Variants in TTC38 observed in about 807,000 individuals in gnomAD.
The protein encoded by TTC38 is tetratricopeptide repeat protein 38.
A neutral mutation model predicts 64.2 loss-of-function variants in TTC38; 64 were observed. The ratio of observed to expected loss-of-function variants is 1.00; its 90% CI spans 0.81 to 1.23. The LOEUF is 1.23. TTC38 is among the 50% of genes most tolerant of loss of function. TTC38 has a pLI of 0.00. For synonymous variants in TTC38, 254 were observed against 249.3 expected (o/e 1.02, Z -0.18); for missense variants, 573 against 615.5 (o/e 0.93, Z 0.73).
intron 6 of TTC38, chr22:46,280,177 C>T (rs1346801821): frequency 4.2e-6 from 2 of 471,234 alleles, no homozygotes; most frequent in East Asian, 1.4e-4. Flanking sequence ...GTGTCTGCAG[C>T]CCCAGGCTGG....
At chr22:46,286,992 GGACAGGCT>G (rs1206599364) in intron 9 of TTC38, 73 bp from the exon 10 acceptor site, 2 of 1,162,326 alleles carry the variant, frequency 1.7e-6, no homozygotes, top group African/African-American at 3.0e-5. Flanking sequence ...CACCCCACCT[GGACAGGCT>G]GACCCTGGCT....
intron 7 of TTC38, 128 bp from the exon 8 acceptor site, chr22:46,283,839 CAGACTT>C: frequency 1.8e-6 from 1 of 546,478 alleles, no homozygotes; most frequent in South Asian, 2.0e-5. Context: ...GCAACAGAGC[CAGACTT>C]AGTCTCAAAA....
At position 46,292,048 on chromosome 22, in the gene TTC38, C is replaced by T. The variant is rs978187713; in HGVS notation, c.1317-743C>T. On this transcript the variant is annotated intron_variant, in intron 13 of 13. Coordinates refer to ENST00000381031, the MANE Select transcript of TTC38 (RefSeq NM_017931.4). This position sits in a 1 kb window ranked among gnomAD's most constrained non-coding sequence, Gnocchi z 6.5. The stretch of plus-strand genomic sequence containing the variant: ...TTCTGGAGGCTGGAATGTCCAGGAA[C>T]AAGGCCTGGCTGGGTTCAGTTTCTG... 3.9e-5 allele frequency among the ~76,000 whole-genome samples: 6 copies of T among 152,220 alleles called. No individual in the cohort carries two copies. Among genetic ancestry groups the T allele is most frequent in the Non-Finnish European group, 7.3e-5 (5 of 68,038 alleles).
intron 10 of TTC38, among the ~76,000 whole-genome samples, chr22:46,287,709 G>A (rs2077581807): frequency 6.6e-6 from 1 of 152,212 alleles, no homozygotes; most frequent in African/African-American, 2.4e-5. Context: ...CAGAGGCCTG[G>A]GCTAGGCCCT....
At position 46,268,073 on chromosome 22, in the gene TTC38, G is replaced by A; in HGVS notation, c.33+1G>A. On this transcript the variant is annotated splice_donor_variant, in intron 1 of 13. Transcript: ENST00000381031. LOFTEE classifies it high-confidence loss of function. Reference sequence around the variant, plus strand: ...AGCCTCGCCTCTGCGCGACTGCCAGGTACACGGAGGCTGCCCCCAACCAGG... The same window carrying A: ...AGCCTCGCCTCTGCGCGACTGCCAGATACACGGAGGCTGCCCCCAACCAGG... 4 of 1,542,768 alleles carry A rather than the reference G, an allele frequency of 2.6e-6. No homozygotes were observed. Among genetic ancestry groups the A allele is most frequent in the Non-Finnish European group, 3.5e-6 (4 of 1,150,602 alleles).
chr22:46,275,139 A>G lies in TTC38; in HGVS notation c.366-109A>G. On this transcript the variant is annotated intron_variant, in intron 4 of 13. Coordinates refer to ENST00000381031, the MANE Select transcript of TTC38 (RefSeq NM_017931.4). The surrounding 1 kb of genome is among the most constrained non-coding windows in gnomAD (Gnocchi z 4.5). ...CCCAGTCAGAAACTGATTTTTAAAA[A>G]AACACATCCATGTAGACCATGACAC... 8.9e-7 allele frequency: 1 copy of G among 1,125,296 alleles called. No individual in the cohort carries two copies. Among genetic ancestry groups the G allele is most frequent in the Admixed American group, 2.5e-5 (1 of 39,392 alleles). 69.7% of individuals were successfully genotyped at this position (1,125,296 alleles called of 1,614,324 possible).
chr22:46,289,679 TC>T (rs2147802268), intron 12 of TTC38, 118 bp downstream of exon 12: 1 of 1,448,988 alleles, frequency 6.9e-7, no homozygotes, highest in East Asian at 2.3e-5. Context: ...TGAACGTGTC[TC>T]TCACACTCCC....
chr22:46,289,716 G>A (rs1359487218), intron 12 of TTC38, 110 bp from the exon 13 acceptor site: 4 of 1,467,580 alleles, frequency 2.7e-6, no homozygotes, highest in Non-Finnish European at 2.9e-6. Flanking sequence ...CGTTGAGGGT[G>A]TGGCATCAAC....
intron 5 of TTC38, among the ~76,000 whole-genome samples, chr22:46,277,354 C>G (rs1474345021): frequency 2.0e-5 from 3 of 152,092 alleles, no homozygotes; most frequent in Non-Finnish European, 4.4e-5. Context: ...CCTGGAATCC[C>G]AGCACTTTGG....
In TTC38 at chr22:46,276,928, T is replaced by C. The variant is rs1480065705; in HGVS notation, c.539+1507T>C. 1.3e-5 allele frequency among the ~76,000 whole-genome samples: 2 copies of C among 149,530 alleles called. No homozygotes were observed. Among genetic ancestry groups the C allele is most frequent in the Non-Finnish European group, 3.0e-5 (2 of 67,694 alleles). On this transcript the variant is annotated intron_variant, in intron 5 of 13. Coordinates refer to ENST00000381031, the MANE Select transcript of TTC38 (RefSeq NM_017931.4). This position sits in a 1 kb window ranked among gnomAD's most constrained non-coding sequence, Gnocchi z 4.7. Reference sequence around the variant, plus strand: ...GCTGAGCACCACGGGCCAGCCAAATTGACAGATAAAAATTAACCGTCATGA... The same window carrying C: ...GCTGAGCACCACGGGCCAGCCAAATCGACAGATAAAAATTAACCGTCATGA...
Position 46,270,091 on chromosome 22 carries a change from C to T in TTC38, c.111+1500C>T, listed in dbSNP as rs1478026517. On this transcript the variant is annotated intron_variant, in intron 2 of 13. Transcript: ENST00000381031. The surrounding 1 kb of genome is among the most constrained non-coding windows in gnomAD (Gnocchi z 4.7). Reference sequence around the variant, plus strand: ...ACAGGCGTGAGCCACTGTGCCCGGCCCCTAGTACTCAGTTTGTTACACACC... The same window carrying T: ...ACAGGCGTGAGCCACTGTGCCCGGCTCCTAGTACTCAGTTTGTTACACACC... Among the ~76,000 whole-genome samples the T allele has an allele frequency of 6.6e-6, 1 of 152,036 alleles. No homozygotes were observed. The highest frequency in any genetic ancestry group is 1.5e-5 in the Non-Finnish European group (1 of 67,986).
rs1371109920 is a variant in TTC38, at chr22:46,274,734, AG to A, written c.366-513del. On this transcript the variant is annotated intron_variant, in intron 4 of 13. Coordinates refer to ENST00000381031, the MANE Select transcript of TTC38 (RefSeq NM_017931.4). The surrounding 1 kb of genome is among the most constrained non-coding windows in gnomAD (Gnocchi z 4.8). ...ATTATCTTTGGCAATTTGTTAAACC[AG>A]TTTTTTTTTTTTTTTAAATTGAACT... is the stretch of plus-strand genomic sequence containing the variant. Among the ~76,000 whole-genome samples, 1 of 139,240 alleles carries A rather than the reference AG, an allele frequency of 7.2e-6. No individual in the cohort carries two copies. Among genetic ancestry groups the A allele is most frequent in the African/African-American group, 3.0e-5 (1 of 33,456 alleles). The allele number at this position is 139,240 out of a possible 152,430, so 91.3% of individuals were successfully genotyped here. A position where few individuals can be genotyped will look rare whatever the true frequency, so the allele number is the denominator to read the frequency against.
In TTC38 at chr22:46,268,785, C is replaced by T. The variant is rs1019603821; in HGVS notation, c.111+194C>T. ...CTGCAAGCTTTGCCTCCCGGGTTCA[C>T]GCCATTCTCGTCCCTCAGCCTCCCG... is the stretch of plus-strand genomic sequence containing the variant. On this transcript the variant is annotated intron_variant, in intron 2 of 13. Transcript: ENST00000381031. 9.3e-6 allele frequency: 5 copies of T among 538,574 alleles called. No individual in the cohort carries two copies. The Admixed American group carries it at 1.2e-4, about 13-fold the overall frequency. 33.4% of individuals were successfully genotyped at this position (538,574 alleles called of 1,614,324 possible).
In TTC38 at chr22:46,282,557, G is replaced by A. The variant is rs1426959379; in HGVS notation, c.735+839G>A. ...GTATTTGGGGCAGCAAGAAATCAGG[G>A]AAGGGTGTGCACTTGGCTCCCAAGC... is the stretch of plus-strand genomic sequence containing the variant. On this transcript the variant is annotated intron_variant, in intron 7 of 13. Transcript: ENST00000381031. The surrounding 1 kb of genome is among the most constrained non-coding windows in gnomAD (Gnocchi z 4.4). Among the ~76,000 whole-genome samples the A allele has an allele frequency of 1.3e-5, 2 of 152,208 alleles. No homozygotes were observed. Among genetic ancestry groups the A allele is most frequent in the Non-Finnish European group, 2.9e-5 (2 of 68,028 alleles).
rs1936862204 is a variant in TTC38, at chr22:46,270,109, TACAC to T, written c.111+1521_111+1524del. 6.6e-6 allele frequency among the ~76,000 whole-genome samples: 1 copy of T among 152,134 alleles called. No individual in the cohort carries two copies. Among genetic ancestry groups the T allele is most frequent in the Admixed American group, 6.5e-5 (1 of 15,272 alleles). Reference sequence around the variant, plus strand: ...GCCCGGCCCCTAGTACTCAGTTTGTTACACACCACATCCCCAATCAGTGGCAGCT... The same window carrying T: ...GCCCGGCCCCTAGTACTCAGTTTGTTACCACATCCCCAATCAGTGGCAGCT... On this transcript the variant is annotated intron_variant, in intron 2 of 13. Transcript: ENST00000381031. The surrounding 1 kb of genome is among the most constrained non-coding windows in gnomAD (Gnocchi z 4.7).
At position 46,268,049 on chromosome 22, in the gene TTC38, G is replaced by T. The variant is rs770682248; in HGVS notation, c.10G>T (p.Ala4Ser). The change falls in exon 1 of 14, where the codon GCC (alanine) becomes TCC (serine). Residue 4 changes from alanine (A) to serine (S), a missense_variant. By Grantham distance (99) the Ala-to-Ser change is moderately conservative. Around this residue, in one of 3 missense-constraint regions of TTC38, gnomAD observed 134 missense variants for 126.5 expected, o/e 1.06. Transcript: ENST00000381031. ...TCCGACCCGGCGCAACATGGCCGCA[G>T]CCTCGCCTCTGCGCGACTGCCAGGT... is the stretch of plus-strand genomic sequence containing the variant. Reference protein sequence around the residue: MAAASPLRDCQAWK... With the variant: MAASSPLRDCQAWK... 6.5e-7 allele frequency: 1 copy of T among 1,543,458 alleles called. No homozygotes were observed. The highest frequency in any genetic ancestry group is 8.7e-7 in the Non-Finnish European group (1 of 1,150,982).
rs1458851926 is a variant in TTC38 at position 46,279,945 on chromosome 22, C to T, written c.615+1284C>T. The T allele has an allele frequency of 3.3e-5, 12 of 366,404 alleles. No homozygotes were observed. The Admixed American group carries it at 4.4e-4, about 13-fold the overall frequency. The allele number at this position is 366,404 out of a possible 1,614,324, so 22.7% of individuals were successfully genotyped here. A position where few individuals can be genotyped will look rare whatever the true frequency, so the allele number is the denominator to read the frequency against. ...CTGTGGCAAACCAGATGTGGCAAGT[C>T]CCCCGCACTGAGGGTGGCCAAAAAA... On this transcript the variant is annotated intron_variant, in intron 6 of 13. Coordinates refer to ENST00000381031, the MANE Select transcript of TTC38 (RefSeq NM_017931.4).
chr22:46,274,018 T>TGCTGG lies in TTC38; in HGVS notation c.315_316insCTGGG (p.Thr106LeufsTer13). 6.2e-7 allele frequency: 1 copy of TGCTGG among 1,614,200 alleles called. No individual in the cohort carries two copies. The highest frequency in any genetic ancestry group is 1.1e-5 in the South Asian group (1 of 91,088). On this transcript the variant is annotated frameshift_variant, in exon 4 of 14. Transcript: ENST00000381031. LOFTEE classifies it high-confidence loss of function. This position sits in a 1 kb window ranked among gnomAD's most constrained non-coding sequence, Gnocchi z 4.8. Reference sequence around the variant, plus strand: ...GTGGAGATTTCAAGAACCCAGCCGCTGACAAGGCGGGAGCAGCTGCACGTG... The same window carrying TGCTGG: ...GTGGAGATTTCAAGAACCCAGCCGCTGCTGGGACAAGGCGGGAGCAGCTGCACGTG...
At chr22:46,269,096 C>CA (rs762415664) in intron 2 of TTC38, 13 of 416,430 alleles carry the variant, frequency 3.1e-5, no homozygotes, top group Middle Eastern at 3.5e-4. Context: ...CTGCCCCCCC[C>CA]CCACAGCGTC....
Sources: allele counts gnomAD v4.1 joint callset (sites outside exome capture counted in the v4.1 genomes callset), GRCh38; gene constraint gnomAD v4.1.1; regional missense constraint gnomAD v4.1.1; non-coding constraint Gnocchi (gnomAD v3.1); transcripts MANE v1.5; gene names NCBI Gene and HGNC (gene_info 2026-07-23, HGNC 2026-07-21).